Variants in ALG13 observed in about 807,000 individuals in gnomAD.
ALG13 encodes the protein UDP-N-acetylglucosamine transferase subunit ALG13.
Under a neutral mutation model 87.8 loss-of-function variants are expected in ALG13, and 11 were observed. The observed-to-expected ratio is 0.13, with a 90% CI of 0.08 to 0.21. ALG13 has a LOEUF of 0.21. ALG13 is among the 10% of genes least tolerant of loss of function. The pLI is 1.00. For missense variants in ALG13, 756 were observed against 866.1 expected, an observed-to-expected ratio of 0.87 and a Z score of 1.60; for synonymous variants, 320 against 306.3, an observed-to-expected ratio of 1.04 and a Z score of -0.47.
At chrX:111,729,844 C>G (rs1420321720) in intron 19 of ALG13, among the ~76,000 whole-genome samples, 1 of 111,840 alleles carries the variant, frequency 8.9e-6, no homozygotes, top group Admixed American at 9.5e-5. Flanking sequence ...TACATGTTCC[C>G]TTAATGTCCA....
chrX:111,700,409 A>G (rs746196037), intron 3 of ALG13, among the ~76,000 whole-genome samples: 1 of 110,891 alleles, frequency 9.0e-6, no homozygotes, highest in African/African-American at 3.3e-5. Flanking sequence ...TATGTTGAAT[A>G]GAAGTGGTGA....
In ALG13 at chrX:111,759,810, G is replaced by A. The variant is rs771997156; in HGVS notation, c.3225G>A (p.Gly1075=). The change falls in exon 27 of 27, where the codon GGG becomes GGA. Residue 1075 remains glycine (G), a synonymous_variant. Transcript: ENST00000394780. ...ATCCAGTAATGTCAGATCCCTATGG[G>A]CAGCCACCTTTGCCAGGTTTTGACT... is the stretch of plus-strand genomic sequence containing the variant. ...VYYPVMSDPY[G]QPPLPGFDSC... The A allele has an allele frequency of 2.5e-6, 3 of 1,210,306 alleles. No individual in the cohort carries two copies. The highest frequency in any genetic ancestry group is 3.4e-6 in the Non-Finnish European group (3 of 894,871).
chrX:111,714,656 A>G (rs1010477634), intron 8 of ALG13, among the ~76,000 whole-genome samples: 1 of 111,870 alleles, frequency 8.9e-6, no homozygotes, highest in Non-Finnish European at 1.9e-5. Context: ...CATACAGAAA[A>G]GTTAAAAGAA....
chrX:111,696,861 C>A (rs1244176386), intron 3 of ALG13, among the ~76,000 whole-genome samples: 1 of 110,518 alleles, frequency 9.0e-6, no homozygotes, highest in Non-Finnish European at 1.9e-5. Context: ...AAGACATTTT[C>A]TTTCCATTAT....
intron 3 of ALG13, among the ~76,000 whole-genome samples, chrX:111,685,536 A>C (rs942142339): frequency 8.9e-6 from 1 of 112,444 alleles, no homozygotes; most frequent in African/African-American, 3.2e-5. Flanking sequence ...AGTTACACCC[A>C]ATATATAAAA....
chrX:111,726,616 A>G (rs1345978850), intron 15 of ALG13, among the ~76,000 whole-genome samples, 193 bp from the exon 16 acceptor site: 2 of 110,690 alleles, frequency 1.8e-5, no homozygotes, highest in African/African-American at 6.6e-5. Context: ...TACAGAAATT[A>G]CCTGCTGGTT....
chrX:111,681,812 C>G, intron 1 of ALG13: 1 of 853,986 alleles, frequency 1.2e-6, no homozygotes, highest in Non-Finnish European at 1.4e-6. Context: ...GCTCCCGGTT[C>G]TCGCAGTTGA....
rs1330874635 is a variant in ALG13 at position 111,709,067 on chromosome X, CA to C, written c.834+20del. 7.0e-6 allele frequency: 7 copies of C among 1,006,285 alleles called. No homozygotes were observed. Among genetic ancestry groups the C allele is most frequent in the Non-Finnish European group, 8.2e-6 (6 of 730,893 alleles). 82.9% of individuals were successfully genotyped at this position (1,006,285 alleles called of 1,213,427 possible). ...TGAGTCTGTAAGTAGAATACATACCCAGGGGAGAACTGGTAGAGTGTGTAGC... is the reference window on the plus strand; with the variant it reads ...TGAGTCTGTAAGTAGAATACATACCCGGGGAGAACTGGTAGAGTGTGTAGC... On this transcript the variant is annotated intron_variant, in intron 5 of 26. Coordinates refer to ENST00000394780, the MANE Select transcript of ALG13 (RefSeq NM_001099922.3).
chrX:111,687,822 T>G (rs1935348327), intron 3 of ALG13: 1 of 991,634 alleles, frequency 1.0e-6, no homozygotes, highest in Admixed American at 3.6e-5. Flanking sequence ...CAGTCATCAG[T>G]GGGCAGCAGA....
intron 24 of ALG13, among the ~76,000 whole-genome samples, chrX:111,751,972 T>TGGTGGTGGTATG (rs1944798363): frequency 8.9e-6 from 1 of 112,104 alleles, no homozygotes; most frequent in Non-Finnish European, 1.9e-5. Context: ...CTCATTGCCC[T>TGGTGGTGGTATG]TCTCTTTGGA....
Position 111,740,550 on chromosome X carries a change from G to A in ALG13, c.2695+3671G>A, listed in dbSNP as rs1007710656. Among the ~76,000 whole-genome samples the A allele has an allele frequency of 4.5e-5, 5 of 110,737 alleles. No homozygotes were observed. The East Asian group carries it at 8.4e-4, about 19-fold the overall frequency. On this transcript the variant is annotated intron_variant, in intron 23 of 26. Transcript: ENST00000394780. ...CCATTTATTACTTTTAAAAATAAAC[G>A]GCTCTGTGGAGAAATGGCTGATTCC...
At chrX:111,708,508 G>GGACCTTGACA in intron 4 of ALG13, 115 bp downstream of exon 4, 2 of 942,473 alleles carry the variant, frequency 2.1e-6, no homozygotes, top group Non-Finnish European at 2.9e-6. Context: ...TGAAAACATC[G>GGACCTTGACA]GGCCTGTCAA....
chrX:111,758,746 T>A (rs776005241), intron 26 of ALG13, among the ~76,000 whole-genome samples: 3 of 111,921 alleles, frequency 2.7e-5, no homozygotes, highest in Non-Finnish European at 3.8e-5. Context: ...AACTACCACT[T>A]ATGTAGTTTG....
chrX:111,689,375 T>C, intron 3 of ALG13: 1 of 753,932 alleles, frequency 1.3e-6, no homozygotes, highest in Non-Finnish European at 1.6e-6. Context: ...TTAGTTTTTA[T>C]AGTTTATGAT....
At chrX:111,748,338 G>A (rs1472312977) in intron 24 of ALG13, among the ~76,000 whole-genome samples, 1 of 111,927 alleles carries the variant, frequency 8.9e-6, no homozygotes, top group African/African-American at 3.2e-5. Context: ...CTATGGTATT[G>A]TATCTAAAAA....
At chrX:111,737,011 G>A in intron 23 of ALG13, 132 bp downstream of exon 23, 1 of 543,679 alleles carries the variant, frequency 1.8e-6, no homozygotes, top group Non-Finnish European at 2.7e-6. Flanking sequence ...ACTTAATTAT[G>A]TTCTGCCATT....
intron 24 of ALG13, among the ~76,000 whole-genome samples, 195 bp downstream of exon 24, chrX:111,745,099 T>C (rs1944120511): frequency 9.0e-6 from 1 of 111,020 alleles, no homozygotes; most frequent in Non-Finnish European, 1.9e-5. Context: ...AATCAACAAG[T>C]GGATGGTTGA....
Position 111,718,182 on chromosome X carries a change from A to T in ALG13, c.1158A>T (p.Lys386Asn). The T allele has an allele frequency of 8.5e-7, 1 of 1,173,429 alleles. No individual in the cohort carries two copies. The highest frequency in any genetic ancestry group is 1.9e-5 in the South Asian group (1 of 53,050). Residue 386 changes from lysine to asparagine, a missense_variant, in exon 10 of 27, where the codon AAA (lysine) becomes AAT (asparagine). Coordinates refer to ENST00000394780, the MANE Select transcript of ALG13 (RefSeq NM_001099922.3). ...AAGAAGAGTTGAAGACTGCGATTAA[A>T]TTGTTTCGAAGTGGTTCTAAGAAGA... ...VDEEELKTAI[K>N]LFRSGSKKNR... is the part of the protein sequence containing the mutation.
At chrX:111,733,269 GTC>G (rs1942899313) in intron 21 of ALG13, among the ~76,000 whole-genome samples, 1 of 110,998 alleles carries the variant, frequency 9.0e-6, no homozygotes, top group African/African-American at 3.3e-5. Flanking sequence ...GCAATGTATA[GTC>G]TTTTATCCCT....
Sources: gnomAD v4.1 joint callset for allele counts (sites outside exome capture counted in the v4.1 genomes callset) on GRCh38, gnomAD v4.1.1 for gene constraint, MANE v1.5 for transcripts, NCBI Gene and HGNC (gene_info 2026-07-23, HGNC 2026-07-21) for gene names.